The following DISP1 variants were observed in gnomAD, a reference collection of about 807,000 sequenced individuals.
DISP1 encodes the protein protein dispatched homolog 1.
In DISP1, 30 loss-of-function variants were observed where a neutral mutation model predicts 37.3. That is an observed-to-expected ratio of 0.80 (90% CI 0.60 to 1.09). The LOEUF (loss-of-function observed/expected upper bound fraction) is 1.09, where lower values mean the gene tolerates loss of function less well. Among genes scored for constraint, DISP1 ranks in the 50% least tolerant of loss-of-function variants. The probability of loss-of-function intolerance (pLI) is 0.00; values close to 1 mark genes in which losing one functional copy is unlikely to be tolerated. For synonymous variants in DISP1, 634 were observed against 690.2 expected (o/e 0.92, Z 1.28); for missense variants, 1,598 against 1,879.5 (o/e 0.85, Z 2.77).
At chr1:222,994,396 T>C (rs572193542) in intron 7 of DISP1, among the ~76,000 whole-genome samples, 76 of 152,334 alleles carry the variant, frequency 5.0e-4, no homozygotes, top group Non-Finnish European at 8.7e-4. Context: ...TCGACCAGAA[T>C]GTGGCCAGCA....
intron 3 of DISP1, among the ~76,000 whole-genome samples, chr1:222,964,591 G>T (rs968732182): frequency 6.6e-6 from 1 of 152,184 alleles, no homozygotes; most frequent in African/African-American, 2.4e-5. Flanking sequence ...AATCGTGAGG[G>T]TATAGGTGAT....
In DISP1 at chr1:223,005,600, G is replaced by A. The variant is rs924985988; in HGVS notation, c.4203G>A (p.Ser1401=). ...PSSFVCRSTG[S]LLKTCCDPEN... ...CATTTGTCTGCAGAAGCACTGGATC[G>A]TTACTCAAAACGTGTTGCGACCCCG... Residue 1401 remains serine, a synonymous_variant, in exon 9 of 9, where the codon TCG becomes TCA. Coordinates refer to ENST00000675850, the MANE Select transcript of DISP1 (RefSeq NM_001377229.1). 1.5e-5 allele frequency: 24 copies of A among 1,613,916 alleles called. No individual in the cohort carries two copies. Among genetic ancestry groups the A allele is most frequent in the East Asian group, 6.7e-5 (3 of 44,878 alleles).
In DISP1 at chr1:223,003,778, C is replaced by G. The variant is rs143904366; in HGVS notation, c.2381C>G (p.Ser794Cys). The change falls in exon 9 of 9, where the codon TCC (serine) becomes TGC (cysteine). Residue 794 changes from serine (S) to cysteine (C), a missense_variant. By Grantham distance (112) the Ser-to-Cys change is moderately radical. Transcript: ENST00000675850. The surrounding 1 kb of genome is among the most constrained non-coding windows in gnomAD (Gnocchi z 4.3). ...CCCATCACAGTAATCTGGGGCGTGT[C>G]CCCAGAAGACAATGGCAACCCACTA... is the stretch of plus-strand genomic sequence containing the variant. Reference protein sequence around the residue: ...HMPITVIWGVSPEDNGNPLNP... With the variant: ...HMPITVIWGVCPEDNGNPLNP... 2 of 1,613,994 alleles carry G rather than the reference C, an allele frequency of 1.2e-6. No homozygotes were observed. Among genetic ancestry groups the G allele is most frequent in the African/African-American group, 2.7e-5 (2 of 74,896 alleles).
In DISP1 at chr1:223,003,053, C is replaced by A. The variant is rs753258388; in HGVS notation, c.1656C>A (p.Phe552Leu). The A allele has an allele frequency of 3.7e-6, 6 of 1,614,054 alleles. No homozygotes were observed. Among genetic ancestry groups the A allele is most frequent in the Non-Finnish European group, 5.1e-6 (6 of 1,180,028 alleles). ...SYFLYRVVFH[F>L]EFFPFMNLTA... is the part of the protein sequence containing the mutation. ...TTCTCTATCGTGTAGTATTTCACTT[C>A]GAATTTTTTCCTTTTATGAACCTCA... The change falls in exon 9 of 9, where the codon TTC becomes TTA. Residue 552 changes from phenylalanine to leucine, a missense_variant. Physicochemically the swap from Phe to Leu is conservative, Grantham distance 22 (BLOSUM62 0). Transcript: ENST00000675850. The surrounding 1 kb of genome is among the most constrained non-coding windows in gnomAD (Gnocchi z 4.3).
intron 1 of DISP1, among the ~76,000 whole-genome samples, chr1:222,906,757 A>T (rs1050602126): frequency 2.6e-5 from 4 of 152,280 alleles, no homozygotes; most frequent in African/African-American, 9.6e-5. Context: ...GGCAACCAGC[A>T]GCCCTCTGGG....
chr1:222,945,231 A>G (rs930786443), intron 3 of DISP1, among the ~76,000 whole-genome samples: 6 of 152,162 alleles, frequency 3.9e-5, no homozygotes, highest in African/African-American at 1.2e-4. Flanking sequence ...CATTTTCCAG[A>G]CTGGCTTTGA....
At chr1:222,930,948 A>T (rs1241587910) in intron 2 of DISP1, among the ~76,000 whole-genome samples, 33 of 152,032 alleles carry the variant, frequency 2.2e-4, no homozygotes, top group Non-Finnish European at 1.5e-5. Flanking sequence ...AGTAGACTAA[A>T]GGATACTCAT....
chr1:222,894,201 C>T (rs1671105401), intron 1 of DISP1, among the ~76,000 whole-genome samples: 1 of 152,184 alleles, frequency 6.6e-6, no homozygotes, highest in Non-Finnish European at 1.5e-5. Flanking sequence ...AACTGACAGC[C>T]CGGTCCCCAG....
intron 3 of DISP1, among the ~76,000 whole-genome samples, chr1:222,967,122 T>A (rs1269471128): frequency 1.8e-5 from 2 of 111,152 alleles, no homozygotes; most frequent in East Asian, 2.6e-4. Flanking sequence ...GGAATAGATC[T>A]ACATATATAT....
At chr1:222,892,428 T>C (rs565745609) in intron 1 of DISP1, among the ~76,000 whole-genome samples, 2 of 152,326 alleles carry the variant, frequency 1.3e-5, no homozygotes, top group Admixed American at 6.5e-5. Flanking sequence ...CTTATTCACA[T>C]AGTATATTTT....
intron 1 of DISP1, among the ~76,000 whole-genome samples, chr1:222,870,406 A>C (rs1669475665): frequency 6.6e-6 from 1 of 152,190 alleles, no homozygotes; most frequent in African/African-American, 2.4e-5. Context: ...AGTCCCACCA[A>C]CAGTGTAAAA....
At chr1:222,855,152 G>A (rs1298138027) in intron 1 of DISP1, among the ~76,000 whole-genome samples, 1 of 152,196 alleles carries the variant, frequency 6.6e-6, no homozygotes, top group Non-Finnish European at 1.5e-5. Context: ...TACTGTTTGT[G>A]TACCAACTCT....
intron 1 of DISP1, among the ~76,000 whole-genome samples, chr1:222,844,468 T>C (rs561854114): frequency 1.4e-4 from 21 of 152,276 alleles, no homozygotes; most frequent in African/African-American, 4.6e-4. Flanking sequence ...AGTTATATAA[T>C]GGATAGCCGA....
rs868783436 is a variant in DISP1, at chr1:222,931,853, A to T, written c.-18+3283A>T. ...CTACTTCCCAAATTTTCTTCAAAAG[A>T]TCAATAAATAATAAAGGCTATATGG... On this transcript the variant is annotated intron_variant, in intron 2 of 8. Transcript: ENST00000675850. Among the ~76,000 whole-genome samples, 65 of 152,026 alleles carry T rather than the reference A, an allele frequency of 4.3e-4. 1 individual carries two copies. The highest frequency in any genetic ancestry group is 1.6e-3 in the African/African-American group (65 of 41,536).
intron 1 of DISP1, among the ~76,000 whole-genome samples, chr1:222,907,888 G>A (rs565658247): frequency 9.8e-5 from 15 of 152,310 alleles, no homozygotes; most frequent in Middle Eastern, 3.4e-3. Context: ...GGCGGAGGTT[G>A]CAGTGAGCTG....
At chr1:222,952,115 T>C (rs1450722855) in intron 3 of DISP1, among the ~76,000 whole-genome samples, 1 of 152,226 alleles carries the variant, frequency 6.6e-6, no homozygotes, top group Non-Finnish European at 1.5e-5. Context: ...GTTGACTCTC[T>C]GGAACTGCTG....
intron 3 of DISP1, among the ~76,000 whole-genome samples, chr1:222,976,445 C>T (rs570572461): frequency 1.4e-4 from 21 of 152,112 alleles, no homozygotes; most frequent in African/African-American, 5.1e-4. Flanking sequence ...TCATGTTTTA[C>T]CTGTAGTGTG....
In DISP1 at chr1:222,826,574, A is replaced by C. The variant is rs192781587; in HGVS notation, c.-159+11496A>C. On this transcript the variant is annotated intron_variant, in intron 1 of 8. Transcript: ENST00000675850. ...TTTTTTGTTTTTTAACTTCTTACAG[A>C]GATGGGGTTCTACTATGTTGCCCAG... 4.9e-3 allele frequency among the ~76,000 whole-genome samples: 750 copies of C among 151,582 alleles called. 3 individuals are homozygous for C. The highest frequency in any genetic ancestry group is 7.7e-3 in the Non-Finnish European group (523 of 67,860).
At chr1:222,939,712 C>T (rs1302773591) in intron 2 of DISP1, among the ~76,000 whole-genome samples, 1 of 151,798 alleles carries the variant, frequency 6.6e-6, no homozygotes, top group African/African-American at 2.4e-5. Flanking sequence ...CACCTGTGAT[C>T]CCTGCTACTC....
Sources: gnomAD v4.1 joint callset for allele counts (sites outside exome capture counted in the v4.1 genomes callset) on GRCh38, gnomAD v4.1.1 for gene constraint, Gnocchi (gnomAD v3.1) non-coding constraint, MANE v1.5 for transcripts, NCBI Gene and HGNC (gene_info 2026-07-23, HGNC 2026-07-21) for gene names.